The following RBFOX1 variants were observed in gnomAD, a reference collection of about 807,000 sequenced individuals.
RBFOX1 encodes RNA binding fox-1 homolog 1.
A neutral mutation model predicts 57.7 loss-of-function variants in RBFOX1; 8 were observed. The ratio of observed to expected loss-of-function variants is 0.14; its 90% CI spans 0.08 to 0.25. The LOEUF is 0.25. Ranked by LOEUF, RBFOX1 falls within the 10% of genes least tolerant of loss-of-function variation. RBFOX1 has a pLI of 1.00. For synonymous variants in RBFOX1, 326 were observed against 222.4 expected (o/e 1.47, Z -4.15); for missense variants, 611 against 548.5 (o/e 1.11, Z -1.14).
intron 1 of RBFOX1, among the ~76,000 whole-genome samples, chr16:6,047,316 G>C (rs2095505386): frequency 1.3e-5 from 2 of 152,342 alleles, no homozygotes; most frequent in South Asian, 4.1e-4. Context: ...CCCCAAGTCT[G>C]ATTCCTGGGC....
chr16:6,402,301 G>A (rs2093105285), intron 2 of RBFOX1, among the ~76,000 whole-genome samples: 1 of 152,108 alleles, frequency 6.6e-6, no homozygotes, highest in Non-Finnish European at 1.5e-5. Flanking sequence ...ATGTAGAGGC[G>A]ACCATAGTAG....
intron 13 of RBFOX1, among the ~76,000 whole-genome samples, chr16:7,665,752 T>A (rs918896580): frequency 2.0e-5 from 3 of 152,186 alleles, no homozygotes; most frequent in African/African-American, 7.2e-5. Flanking sequence ...ATTCCCTAAA[T>A]CACAATTTTT....
chr16:5,569,195 C>T (rs2046180634), intron 2 of RBFOX1, among the ~76,000 whole-genome samples: 1 of 152,000 alleles, frequency 6.6e-6, no homozygotes, highest in Non-Finnish European at 1.5e-5. Context: ...ACACCTCTCT[C>T]CTAAAGTCAG....
At chr16:6,317,547 A>G (rs2081263270) in intron 2 of RBFOX1, among the ~76,000 whole-genome samples, 1 of 152,148 alleles carries the variant, frequency 6.6e-6, no homozygotes, top group Non-Finnish European at 1.5e-5. Context: ...TTACTGCAAA[A>G]AAAAAAGAAA....
intron 3 of RBFOX1, among the ~76,000 whole-genome samples, chr16:5,651,493 C>G (rs1015642790): frequency 1.3e-5 from 2 of 152,116 alleles, no homozygotes; most frequent in Admixed American, 1.3e-4. Context: ...ACGGAGGGAC[C>G]AAAGCACAGG....
At chr16:6,143,405 C>T (rs1263936478) in intron 1 of RBFOX1, among the ~76,000 whole-genome samples, 1 of 152,192 alleles carries the variant, frequency 6.6e-6, no homozygotes, top group African/African-American at 2.4e-5. Context: ...AGTATTATTT[C>T]ATCAAATCAC....
intron 4 of RBFOX1, among the ~76,000 whole-genome samples, chr16:7,151,469 A>C (rs754484802): frequency 3.9e-5 from 6 of 152,132 alleles, no homozygotes; most frequent in Non-Finnish European, 5.9e-5. Context: ...CTCCCTCCTG[A>C]GTGCTGACTT....
chr16:5,800,859 A>C (rs2055033346), intron 3 of RBFOX1, among the ~76,000 whole-genome samples: 1 of 152,102 alleles, frequency 6.6e-6, no homozygotes, highest in Non-Finnish European at 1.5e-5. Flanking sequence ...CTGGGAGGGC[A>C]CGGGAGGCGG....
intron 2 of RBFOX1, among the ~76,000 whole-genome samples, chr16:5,594,111 C>A (rs1386193612): frequency 6.6e-6 from 1 of 152,128 alleles, no homozygotes; most frequent in Non-Finnish European, 1.5e-5. Flanking sequence ...ACTCATCATG[C>A]ACCCAGAACC....
chr16:7,511,478 G>A lies in RBFOX1; in HGVS notation c.28-6669G>A, dbSNP rs1311422600. On this transcript the variant is annotated intron_variant, in intron 4 of 15. Transcript: ENST00000550418. ...ATTTCAGGGACCAAAGAAATTCTCT[G>A]AGCATCAGAAGAGTGGCCCTCTTAT... Among the ~76,000 whole-genome samples the A allele has an allele frequency of 7.9e-5, 12 of 152,208 alleles. No homozygotes were observed. In the East Asian group the frequency reaches 2.3e-3, roughly 29 times the overall value.
intron 2 of RBFOX1, among the ~76,000 whole-genome samples, chr16:6,503,734 C>A (rs751871182): frequency 3.9e-5 from 6 of 152,218 alleles, no homozygotes; most frequent in South Asian, 2.1e-4. Context: ...TCTACTGGAC[C>A]AAATCAAGAC....
chr16:6,101,076 C>T (rs1055807543), intron 1 of RBFOX1, among the ~76,000 whole-genome samples: 10 of 152,154 alleles, frequency 6.6e-5, no homozygotes, highest in Non-Finnish European at 1.5e-4. Flanking sequence ...TGACCTTTGC[C>T]AAGCTCCAAA....
chr16:5,955,291 T>C (rs867758004), intron 4 of RBFOX1, among the ~76,000 whole-genome samples: 31 of 19,140 alleles, frequency 1.6e-3, no homozygotes, highest in African/African-American at 0.01. Context: ...CCCAATAAAA[T>C]AAAATAAAAT....
chr16:7,381,969 A>G (rs1251877337), intron 4 of RBFOX1, among the ~76,000 whole-genome samples: 1 of 152,128 alleles, frequency 6.6e-6, no homozygotes, highest in Non-Finnish European at 1.5e-5. Context: ...GGGGGATGAA[A>G]TGTTTCTCCC....
intron 1 of RBFOX1, among the ~76,000 whole-genome samples, chr16:5,359,693 C>T (rs1458436328): frequency 6.6e-6 from 1 of 151,758 alleles, no homozygotes; most frequent in Non-Finnish European, 1.5e-5. Flanking sequence ...GTTTGAGCTT[C>T]TTTGCCGATC....
intron 3 of RBFOX1, among the ~76,000 whole-genome samples, chr16:6,698,759 C>T (rs1425489049): frequency 6.6e-6 from 1 of 152,158 alleles, no homozygotes; most frequent in Non-Finnish European, 1.5e-5. Context: ...GCCCTGTTTT[C>T]CTCCCCCACG....
At chr16:6,971,555 ATG>A (rs1266309944) in intron 3 of RBFOX1, among the ~76,000 whole-genome samples, 2 of 151,956 alleles carry the variant, frequency 1.3e-5, no homozygotes, top group Non-Finnish European at 2.9e-5. Flanking sequence ...AGCAAAAGAA[ATG>A]TGTTCCCAGT....
chr16:6,788,255 C>T (rs1012040818), intron 3 of RBFOX1, among the ~76,000 whole-genome samples: 7 of 151,962 alleles, frequency 4.6e-5, no homozygotes, highest in African/African-American at 1.7e-4. Flanking sequence ...CCAATGAGGT[C>T]TGCTGCATCA....
chr16:7,215,240 C>G (rs1273574476), intron 4 of RBFOX1, among the ~76,000 whole-genome samples: 2 of 152,178 alleles, frequency 1.3e-5, no homozygotes, highest in East Asian at 3.9e-4. Context: ...TTAGTTCAAC[C>G]ACTGTGGAAG....
Sources: gnomAD v4.1 joint callset for allele counts (sites outside exome capture counted in the v4.1 genomes callset) on GRCh38, gnomAD v4.1.1 for gene constraint, MANE v1.5 for transcripts, NCBI Gene and HGNC (gene_info 2026-07-23, HGNC 2026-07-21) for gene names.